The following PRPF3 variants were observed in gnomAD, a reference collection of about 807,000 sequenced individuals.
PRPF3 encodes U4/U6 small nuclear ribonucleoprotein Prp3.
In PRPF3, 3 loss-of-function variants were observed where a neutral mutation model predicts 89.2. That is an observed-to-expected ratio of 0.03 (90% CI 0.02 to 0.09). The LOEUF (loss-of-function observed/expected upper bound fraction) is 0.09, where lower values mean the gene tolerates loss of function less well. Among genes scored for constraint, PRPF3 ranks in the 10% least tolerant of loss-of-function variants. The pLI is 1.00. For missense variants in PRPF3, 463 were observed against 828.8 expected (o/e 0.56, Z 5.42); for synonymous variants, 270 against 289.1 (o/e 0.93, Z 0.67).
At chr1:150,326,262 C>T (rs1655696317) in intron 3 of PRPF3, among the ~76,000 whole-genome samples, 1 of 152,100 alleles carries the variant, frequency 6.6e-6, no homozygotes, top group South Asian at 2.1e-4. Flanking sequence ...GGTACCTGAG[C>T]TGTACACCTC....
chr1:150,332,876 C>T (rs1656567293), intron 5 of PRPF3, 103 bp from the exon 6 acceptor site: 2 of 1,484,818 alleles, frequency 1.3e-6, no homozygotes, highest in Non-Finnish European at 1.9e-6. Flanking sequence ...ACTTCATAAT[C>T]ATCTGCTACA....
Position 150,345,858 on chromosome 1 carries a change from C to T in PRPF3, c.1641-160C>T, listed in dbSNP as rs922778689. The T allele has an allele frequency of 8.2e-6, 6 of 727,780 alleles. No homozygotes were observed. In the African/African-American group the frequency reaches 1.0e-4, roughly 13 times the overall value. 45.1% of individuals were successfully genotyped at this position (727,780 alleles called of 1,614,324 possible). A position where few individuals can be genotyped will look rare whatever the true frequency, so the allele number is the denominator to read the frequency against. ...GTAAGAGTGTGGAAATATTTCTAGA[C>T]TCATCAACTCTACCTTTTAAGCATT... On this transcript the variant is annotated intron_variant, in intron 12 of 15. Coordinates refer to ENST00000324862, the MANE Select transcript of PRPF3 (RefSeq NM_004698.4).
chr1:150,343,874 A>G (rs1417386916), intron 10 of PRPF3, among the ~76,000 whole-genome samples: 1 of 152,204 alleles, frequency 6.6e-6, no homozygotes, highest in African/African-American at 2.4e-5. Context: ...AAGCTCTTTC[A>G]CTAGATGCTG....
chr1:150,346,023 G>A lies in PRPF3; in HGVS notation c.1646G>A (p.Arg549Gln), dbSNP rs1448830296. ...CTAAACTTTCCCTTCTCCAGAGTTCGAAATTTGAGCAACCCAGCCAAGAAG... is the reference window on the plus strand; with the variant it reads ...CTAAACTTTCCCTTCTCCAGAGTTCAAAATTTGAGCAACCCAGCCAAGAAG... ...QGVHISVYRV[R>Q]NLSNPAKKFK... The change falls in exon 13 of 16, where the codon CGA becomes CAA. Residue 549 changes from arginine to glutamine, a missense_variant. Physicochemically the swap from Arg to Gln is conservative, Grantham distance 43. Transcript: ENST00000324862. 3 of 1,613,966 alleles carry A rather than the reference G, an allele frequency of 1.9e-6. No individual in the cohort carries two copies. Among genetic ancestry groups the A allele is most frequent in the Non-Finnish European group, 2.5e-6 (3 of 1,179,936 alleles).
intron 14 of PRPF3, among the ~76,000 whole-genome samples, chr1:150,347,313 CAT>C (rs1298088206): frequency 1.3e-5 from 2 of 151,710 alleles, no homozygotes; most frequent in African/African-American, 2.4e-5. Context: ...TGTACACACA[CAT>C]ACACATACAC....
intron 15 of PRPF3, 75 bp downstream of exon 15, chr1:150,349,293 G>T (rs587691973): frequency 1.9e-6 from 2 of 1,069,052 alleles, no homozygotes; most frequent in South Asian, 2.5e-5. Flanking sequence ...GTGGAGCAAT[G>T]GAATGTAAGA....
At chr1:150,335,713 C>T (rs1419651507) in intron 7 of PRPF3, among the ~76,000 whole-genome samples, 6 of 151,102 alleles carry the variant, frequency 4.0e-5, no homozygotes, top group Non-Finnish European at 7.4e-5. Context: ...GATCTGCCCA[C>T]TTTGTCCTCC....
At chr1:150,333,917 A>G (rs587634075) in intron 6 of PRPF3, among the ~76,000 whole-genome samples, 6 of 152,286 alleles carry the variant, frequency 3.9e-5, no homozygotes, top group African/African-American at 1.4e-4. Flanking sequence ...GAATTCAGGG[A>G]TAAGGAAAGA....
intron 1 of PRPF3, among the ~76,000 whole-genome samples, chr1:150,323,305 T>C (rs1011788531): frequency 2.6e-4 from 38 of 148,576 alleles, no homozygotes; most frequent in African/African-American, 9.4e-4. Flanking sequence ...GCCTCATAAG[T>C]AGCTGGGATT....
chr1:150,348,859 G>A, intron 14 of PRPF3: 1 of 384,246 alleles, frequency 2.6e-6, no homozygotes. Context: ...GCCTCCCAAA[G>A]TGCCTAGGAC....
chr1:150,338,316 G>A lies in PRPF3; in HGVS notation c.1192G>A (p.Gly398Ser). ...EWWDSYIIPN[G>S]FDLTEENPKR... Reference sequence around the variant, plus strand: ...GTGGGACTCTTACATAATCCCCAATGGCTTTGATCTGTGAGTTTGTTTTAG... The same window carrying A: ...GTGGGACTCTTACATAATCCCCAATAGCTTTGATCTGTGAGTTTGTTTTAG... Residue 398 changes from glycine (G) to serine (S), a missense_variant, in exon 8 of 16, where the codon GGC becomes AGC. Around this residue, in one of 8 missense-constraint regions of PRPF3, gnomAD observed 261 missense variants for 475.8 expected, o/e 0.55. Transcript: ENST00000324862. The A allele has an allele frequency of 1.9e-6, 3 of 1,613,888 alleles. No individual in the cohort carries two copies. The highest frequency in any genetic ancestry group is 2.5e-6 in the Non-Finnish European group (3 of 1,179,946).
Position 150,344,434 on chromosome 1 carries a change from A to C in PRPF3, c.1527A>C (p.Lys509Asn). 6.2e-7 allele frequency: 1 copy of C among 1,614,188 alleles called. No individual in the cohort carries two copies. Among genetic ancestry groups the C allele is most frequent in the Non-Finnish European group, 8.5e-7 (1 of 1,180,032 alleles). The change falls in exon 12 of 16, where the codon AAA (lysine) becomes AAC (asparagine). Residue 509 changes from lysine to asparagine, a missense_variant and splice_region_variant. By Grantham distance (94) the Lys-to-Asn change is moderately conservative (BLOSUM62 0). This residue lies in a region of PRPF3 where 261 missense variants were observed against 475.8 expected (regional missense o/e 0.55). Coordinates refer to ENST00000324862, the MANE Select transcript of PRPF3 (RefSeq NM_004698.4). ...HVRAQMAKRQ[K>N]AHEEANAARK... is the part of the protein sequence containing the mutation. ...GTGGATGTCCTTCCTGTCACGACAG[A>C]GCGCATGAAGAGGCCAACGCTGCCC...
intron 7 of PRPF3, among the ~76,000 whole-genome samples, chr1:150,336,519 AGGCCGAGGTGGGT>A (rs1657017619): frequency 6.6e-6 from 1 of 152,110 alleles, no homozygotes; most frequent in Non-Finnish European, 1.5e-5. Flanking sequence ...GCGCTTTGGG[AGGCCGAGGTGGGT>A]GGATCACGAG....
At chr1:150,337,910 A>C (rs1657228492) in intron 7 of PRPF3, among the ~76,000 whole-genome samples, 1 of 152,066 alleles carries the variant, frequency 6.6e-6, no homozygotes, top group South Asian at 2.1e-4. Context: ...CCCCATCTCT[A>C]CTAAAAATAC....
intron 15 of PRPF3, among the ~76,000 whole-genome samples, chr1:150,351,170 C>A (rs984252884): frequency 2.0e-5 from 3 of 151,702 alleles, no homozygotes; most frequent in Admixed American, 6.6e-5. Context: ...GAGGCTGAGG[C>A]AGGAGAATCG....
chr1:150,333,209 T>A lies in PRPF3; in HGVS notation c.728+10T>A. 6.2e-7 allele frequency: 1 copy of A among 1,612,456 alleles called. No homozygotes were observed. The highest frequency in any genetic ancestry group is 8.5e-7 in the Non-Finnish European group (1 of 1,178,532). On this transcript the variant is annotated intron_variant, in intron 6 of 15. Transcript: ENST00000324862. ...TGGGCATTGCTCCCCCGTGAGTGTC[T>A]ATTTCATGGAATACCTTTTCATTTC...
rs369538459 is a variant in PRPF3, at chr1:150,343,287, T to C, written c.1283-22T>C. 3.0e-5 allele frequency: 48 copies of C among 1,588,738 alleles called. No individual in the cohort carries two copies. In the African/African-American group the frequency reaches 5.8e-4, roughly 19 times the overall value. Reference sequence around the variant, plus strand: ...TATATGTATTCTTACTGCTTTGGTATACTAATATCTCTGCCTGACAGTTGA... The same window carrying C: ...TATATGTATTCTTACTGCTTTGGTACACTAATATCTCTGCCTGACAGTTGA... On this transcript the variant is annotated intron_variant, in intron 9 of 15. Coordinates refer to ENST00000324862, the MANE Select transcript of PRPF3 (RefSeq NM_004698.4).
chr1:150,334,231 G>A (rs1353943501), intron 6 of PRPF3, among the ~76,000 whole-genome samples: 1 of 152,100 alleles, frequency 6.6e-6, no homozygotes, highest in Non-Finnish European at 1.5e-5. Flanking sequence ...CTTTGGGCCT[G>A]GGAGGTTGAG....
At chr1:150,352,747 CA>C in intron 15 of PRPF3, 85 bp from the exon 16 acceptor site, 1 of 1,452,902 alleles carries the variant, frequency 6.9e-7, no homozygotes, top group Admixed American at 1.7e-5. Context: ...ACATGTCTCA[CA>C]AATGTTACTA....
Sources: gnomAD v4.1 joint callset for allele counts (sites outside exome capture counted in the v4.1 genomes callset) on GRCh38, gnomAD v4.1.1 for gene constraint, gnomAD v4.1.1 regional missense constraint, MANE v1.5 for transcripts, NCBI Gene and HGNC (gene_info 2026-07-23, HGNC 2026-07-21) for gene names.